RAET1G: variants seen among roughly 807,000 people sequenced by gnomAD.
RAET1G encodes retinoic acid early transcript 1G.
RAET1G carries 25 observed loss-of-function variants against 29.5 expected under a neutral mutation model. That is an observed-to-expected ratio of 0.85 (90% confidence interval 0.62 to 1.18). The LOEUF is 1.18. RAET1G is among the 50% of genes most tolerant of loss of function. RAET1G has a pLI of 0.00. For missense variants in RAET1G, 434 were observed against 423.6 expected, an observed-to-expected ratio of 1.02 and a Z score of -0.22; for synonymous variants, 167 against 159.5, an observed-to-expected ratio of 1.05 and a Z score of -0.36.
In RAET1G at chr6:149,922,928, G is replaced by T; in HGVS notation, c.83C>A (p.Ala28Asp). 6.3e-7 allele frequency: 1 copy of T among 1,588,792 alleles called. No individual in the cohort carries two copies. The highest frequency in any genetic ancestry group is 8.6e-7 in the Non-Finnish European group (1 of 1,168,268). Residue 28 changes from alanine (A) to aspartate (D), a missense_variant and splice_region_variant, in exon 1 of 5, where the codon GCC becomes GAC. Ala to Asp is a moderately radical substitution (Grantham distance 126). Coordinates refer to ENST00000367360, the MANE Select transcript of RAET1G (RefSeq NM_001001788.4). ...TTAGGCTCCATCCCCGAACTCACCG[G>T]CCAGCCCGGTCCTGCACCAGCTGGA... ...LLSSWCRTGL[A>D]DPHSLCYDIT...
intron 1 of RAET1G, among the ~76,000 whole-genome samples, chr6:149,920,445 C>T (rs547751081): frequency 6.6e-6 from 1 of 152,132 alleles, no homozygotes; most frequent in South Asian, 2.1e-4. Flanking sequence ...AGTGCCCAGG[C>T]TGGAGGGGTC....
intron 1 of RAET1G, among the ~76,000 whole-genome samples, 171 bp from the exon 2 acceptor site, chr6:149,919,987 C>T (rs975991570): frequency 1.3e-5 from 2 of 152,224 alleles, no homozygotes; most frequent in African/African-American, 4.8e-5. Context: ...TCCCCACTTC[C>T]ATGAGGGCAA....
chr6:149,919,423 C>G, intron 2 of RAET1G, 99 bp from the exon 3 acceptor site: 1 of 1,602,766 alleles, frequency 6.2e-7, no homozygotes, highest in Non-Finnish European at 8.5e-7. Flanking sequence ...TCTGCCACAT[C>G]CTGGCCTTGC....
chr6:149,919,486 A>G, intron 2 of RAET1G, 67 bp downstream of exon 2: 1 of 1,613,258 alleles, frequency 6.2e-7, no homozygotes, highest in Non-Finnish European at 8.5e-7. Flanking sequence ...TTTTACATGA[A>G]AACTATAAAT....
At chr6:149,922,842 G>T in intron 1 of RAET1G, 84 bp downstream of exon 1, 1 of 969,174 alleles carries the variant, frequency 1.0e-6, no homozygotes, top group Middle Eastern at 2.9e-4. Flanking sequence ...GGTCCTTCCA[G>T]AAGCCTCCCC....
chr6:149,916,995 A>G lies in RAET1G; in HGVS notation c.922T>C (p.Ser308Pro). 6.4e-7 allele frequency: 1 copy of G among 1,550,840 alleles called. No homozygotes were observed. The highest frequency in any genetic ancestry group is 8.7e-7 in the Non-Finnish European group (1 of 1,146,506). ...TACAAGGCAAGAGGGCAGGGTAAGG[A>G]GTGTGAGTCGTCTCCAATGATAGGT... The part of the protein sequence containing the change: ...TLPIIGDDSH[S>P]LPCPLALYTI... Residue 308 changes from serine to proline, a missense_variant, in exon 5 of 5, where the codon TCC (serine) becomes CCC (proline). By Grantham distance (74) the Ser-to-Pro change is moderately conservative (BLOSUM62 -1). Coordinates refer to ENST00000367360, the MANE Select transcript of RAET1G (RefSeq NM_001001788.4).
intron 1 of RAET1G, among the ~76,000 whole-genome samples, chr6:149,921,036 G>A (rs186533696): frequency 6.6e-6 from 1 of 152,338 alleles, no homozygotes; most frequent in East Asian, 1.9e-4. Context: ...CCCGCAACAA[G>A]TGCAATGATT....
chr6:149,918,137 C>T (rs1462944386), intron 4 of RAET1G, 37 bp downstream of exon 4: 1 of 1,584,278 alleles, frequency 6.3e-7, no homozygotes, highest in South Asian at 1.1e-5. Flanking sequence ...TCCTCACCCA[C>T]CTGCCCTTTG....
intron 1 of RAET1G, among the ~76,000 whole-genome samples, chr6:149,921,485 T>C (rs1338635951): frequency 6.6e-6 from 1 of 152,102 alleles, no homozygotes; most frequent in Non-Finnish European, 1.5e-5. Flanking sequence ...TCTAGGTCAT[T>C]AGGAAGAGAG....
chr6:149,921,920 T>G (rs1778607791), intron 1 of RAET1G, among the ~76,000 whole-genome samples: 1 of 152,120 alleles, frequency 6.6e-6, no homozygotes, highest in South Asian at 2.1e-4. Context: ...CCCCCCTATT[T>G]GAAGGTTGCC....
At chr6:149,919,971 G>A (rs553990844) in intron 1 of RAET1G, among the ~76,000 whole-genome samples, 155 bp from the exon 2 acceptor site, 7 of 152,318 alleles carry the variant, frequency 4.6e-5, no homozygotes, top group African/African-American at 1.7e-4. Context: ...AGATTAAGGC[G>A]AGTGCTCCCC....
At chr6:149,918,756 G>A in intron 3 of RAET1G, 1 of 604,174 alleles carries the variant, frequency 1.7e-6, no homozygotes. Flanking sequence ...GGAACACTAA[G>A]GAGAAAGGCC....
chr6:149,919,488 A>G, intron 2 of RAET1G, 65 bp downstream of exon 2: 1 of 1,613,182 alleles, frequency 6.2e-7, no homozygotes, highest in South Asian at 1.1e-5. Context: ...TTACATGAAA[A>G]CTATAAATGC....
At position 149,919,714 on chromosome 6, in the gene RAET1G, T is replaced by C. The variant is rs1275783867; in HGVS notation, c.188A>G (p.His63Arg). The change falls in exon 2 of 5, where the codon CAC becomes CGC. Residue 63 changes from histidine (H) to arginine (R), a missense_variant. Physicochemically the swap from His to Arg is conservative, Grantham distance 29. Coordinates refer to ENST00000367360, the MANE Select transcript of RAET1G (RefSeq NM_001001788.4). ...QGQVDEKTFL[H>R]YDCGSKTVTP... is the part of the protein sequence containing the mutation. Reference sequence around the variant, plus strand: ...GACTGTCTTGCTGCCACAGTCATAGTGAAGAAAAGTCTTTTCATCCACCTG... The same window carrying C: ...GACTGTCTTGCTGCCACAGTCATAGCGAAGAAAAGTCTTTTCATCCACCTG... 4 of 1,613,930 alleles carry C rather than the reference T, an allele frequency of 2.5e-6. No homozygotes were observed. Among genetic ancestry groups the C allele is most frequent in the Non-Finnish European group, 3.4e-6 (4 of 1,179,872 alleles).
At chr6:149,917,767 C>T (rs928692501) in intron 4 of RAET1G, among the ~76,000 whole-genome samples, 7 of 152,174 alleles carry the variant, frequency 4.6e-5, no homozygotes, top group Admixed American at 2.0e-4. Flanking sequence ...TGGAATCCCC[C>T]TTCCCTTGTC....
At chr6:149,917,147 C>T in intron 4 of RAET1G, 73 bp from the exon 5 acceptor site, 11 of 1,446,934 alleles carry the variant, frequency 7.6e-6, no homozygotes, top group Non-Finnish European at 1.0e-5. Context: ...AATACTTTCA[C>T]TAATTCTGCT....
chr6:149,917,274 C>T (rs1021778718), intron 4 of RAET1G, among the ~76,000 whole-genome samples, 200 bp from the exon 5 acceptor site: 9 of 152,252 alleles, frequency 5.9e-5, no homozygotes, highest in Admixed American at 2.0e-4. Context: ...TGGCTGCGGG[C>T]AGGCTTGACT....
At chr6:149,921,634 C>T (rs906465421) in intron 1 of RAET1G, among the ~76,000 whole-genome samples, 1 of 152,170 alleles carries the variant, frequency 6.6e-6, no homozygotes, top group Non-Finnish European at 1.5e-5. Context: ...CAGCTTACAC[C>T]TCAGGTTTCA....
At chr6:149,918,117 C>T in intron 4 of RAET1G, 57 bp downstream of exon 4, 1 of 1,485,098 alleles carries the variant, frequency 6.7e-7, no homozygotes, top group Non-Finnish European at 9.3e-7. Flanking sequence ...TTCTCCATCC[C>T]TGTCCTCCCT....
Sources: gnomAD v4.1 joint callset for allele counts (sites outside exome capture counted in the v4.1 genomes callset) on GRCh38, gnomAD v4.1.1 for gene constraint, MANE v1.5 for transcripts, NCBI Gene and HGNC (gene_info 2026-07-23, HGNC 2026-07-21) for gene names.